The following STX7 variants were observed in gnomAD, a reference collection of about 807,000 sequenced individuals.
The protein encoded by STX7 is syntaxin-7.
STX7 carries 34 observed loss-of-function variants against 39.6 expected under a neutral mutation model. The observed-to-expected ratio is 0.86, with a 90% CI of 0.65 to 1.14. The LOEUF is 1.14. Among genes scored for constraint, STX7 ranks in the 50% most tolerant of loss-of-function variants. STX7 has a pLI of 0.00. For missense variants in STX7, 284 were observed against 310.4 expected (o/e 0.92, Z 0.64); for synonymous variants, 119 against 99.1 (o/e 1.20, Z -1.19).
At position 132,446,236 on chromosome 6, in the gene STX7, T is replaced by C. The variant is rs1169826782; in HGVS notation, c.*14522A>G. ...TTCTTTTTAAACTACCTGACCCTTA[T>C]AATCATATGGTGAGTTGGTCTGATC... On this transcript the variant is annotated 3_prime_UTR_variant, in exon 10 of 10. Coordinates refer to ENST00000367941, the MANE Select transcript of STX7 (RefSeq NM_003569.3). The C allele has an allele frequency of 6.6e-6, 1 of 152,182 alleles. No individual in the cohort carries two copies. Among genetic ancestry groups the C allele is most frequent in the African/African-American group, 2.4e-5 (1 of 41,456 alleles). 9.4% of individuals were successfully genotyped at this position (152,182 alleles called of 1,614,324 possible).
At chr6:132,502,626 G>A (rs1350897134) in intron 2 of STX7, among the ~76,000 whole-genome samples, 4 of 65,748 alleles carry the variant, frequency 6.1e-5, no homozygotes, top group Non-Finnish European at 7.6e-5. Context: ...TTGGCCGGGC[G>A]CGGTGGCTCA....
rs1170000489 is a variant in STX7 at position 132,475,661 on chromosome 6, A to T, written c.87T>A (p.Ser29=). ...GATTCAGAGTTCTTTGTATTTCCAC[A>T]GCTATTATAATAGAAAATTCATGTA... ...SSNIQKITQC[S]VEIQRTLNQL... Residue 29 remains serine (S), a splice_region_variant and synonymous_variant, in exon 3 of 10, where the codon TCT becomes TCA. Coordinates refer to ENST00000367941, the MANE Select transcript of STX7 (RefSeq NM_003569.3). 1.3e-6 allele frequency: 2 copies of T among 1,597,430 alleles called. No homozygotes were observed. Among genetic ancestry groups the T allele is most frequent in the Non-Finnish European group, 1.7e-6 (2 of 1,171,142 alleles).
intron 6 of STX7, 73 bp downstream of exon 6, chr6:132,470,501 C>G (rs1168439701): frequency 3.8e-5 from 42 of 1,103,648 alleles, no homozygotes; most frequent in Non-Finnish European, 5.6e-5. Context: ...AGCTTTAATT[C>G]TGTTCCAGGG....
intron 2 of STX7, among the ~76,000 whole-genome samples, chr6:132,499,255 G>C (rs1457512976): frequency 6.6e-6 from 1 of 152,194 alleles, no homozygotes; most frequent in East Asian, 1.9e-4. Context: ...GAGTCTGCTA[G>C]TTGCCTACTA....
intron 2 of STX7, among the ~76,000 whole-genome samples, chr6:132,488,997 T>A (rs1775210152): frequency 1.3e-5 from 2 of 151,560 alleles, no homozygotes; most frequent in African/African-American, 4.9e-5. Context: ...AGGCCAGGAG[T>A]TCGAGACCAA....
intron 2 of STX7, among the ~76,000 whole-genome samples, chr6:132,490,805 G>A (rs1273538004): frequency 6.6e-6 from 1 of 152,076 alleles, no homozygotes. Context: ...ATGGGCTGCC[G>A]ACCCTACTCA....
chr6:132,446,995 T>C lies in STX7; in HGVS notation c.*13763A>G, dbSNP rs1287297521. 1 of 152,130 alleles carries C rather than the reference T, an allele frequency of 6.6e-6. No homozygotes were observed. The highest frequency in any genetic ancestry group is 1.5e-5 in the Non-Finnish European group (1 of 68,010). The allele number at this position is 152,130 out of a possible 1,614,324, so 9.4% of individuals were successfully genotyped here. On this transcript the variant is annotated 3_prime_UTR_variant, in exon 10 of 10. Coordinates refer to ENST00000367941, the MANE Select transcript of STX7 (RefSeq NM_003569.3). ...TGCCGAGGGTACCATAGACACTGGG[T>C]TGGACAAGCAAGAAATAGTGACGAT... is the stretch of plus-strand genomic sequence containing the variant.
chr6:132,494,197 A>G (rs1196900417), intron 2 of STX7, among the ~76,000 whole-genome samples: 1 of 152,106 alleles, frequency 6.6e-6, no homozygotes, highest in Non-Finnish European at 1.5e-5. Context: ...ATTTAATGGC[A>G]TAACCACATA....
intron 1 of STX7, among the ~76,000 whole-genome samples, chr6:132,509,408 C>A (rs1276705975): frequency 6.7e-6 from 1 of 148,950 alleles, no homozygotes; most frequent in Non-Finnish European, 1.5e-5. Context: ...GCCAAGATCA[C>A]GCCACTGCAC....
At position 132,459,238 on chromosome 6, in the gene STX7, C is replaced by T. The variant is rs1202763958; in HGVS notation, c.*1520G>A. Reference sequence around the variant, plus strand: ...AACAGGAGTCTCTAAGTTCCAATCACTCACTCACAAAAGAGTTTTCTGTAA... The same window carrying T: ...AACAGGAGTCTCTAAGTTCCAATCATTCACTCACAAAAGAGTTTTCTGTAA... On this transcript the variant is annotated 3_prime_UTR_variant, in exon 10 of 10. Transcript: ENST00000367941. The T allele has an allele frequency of 6.6e-6, 1 of 152,218 alleles. No individual in the cohort carries two copies. The highest frequency in any genetic ancestry group is 1.5e-5 in the Non-Finnish European group (1 of 68,042). 9.4% of individuals were successfully genotyped at this position (152,218 alleles called of 1,614,324 possible).
rs1368261034 is a variant in STX7, at chr6:132,448,261, A to T, written c.*12497T>A. 6.6e-6 allele frequency: 1 copy of T among 152,152 alleles called. No individual in the cohort carries two copies. Among genetic ancestry groups the T allele is most frequent in the African/African-American group, 2.4e-5 (1 of 41,446 alleles). 9.4% of individuals were successfully genotyped at this position (152,152 alleles called of 1,614,324 possible). On this transcript the variant is annotated 3_prime_UTR_variant, in exon 10 of 10. Coordinates refer to ENST00000367941, the MANE Select transcript of STX7 (RefSeq NM_003569.3). ...AGAGTAAATACTTCTTAATATAGAC[A>T]GTATTTATTTACATTTCCCATGATT...
intron 2 of STX7, among the ~76,000 whole-genome samples, chr6:132,488,080 T>C (rs971643801): frequency 1.3e-5 from 2 of 152,258 alleles, no homozygotes; most frequent in East Asian, 1.9e-4. Flanking sequence ...TGATATGTGA[T>C]GCTTTCATTT....
chr6:132,469,923 C>T (rs1223283411), intron 7 of STX7, 28 bp downstream of exon 7: 10 of 1,550,442 alleles, frequency 6.4e-6, no homozygotes, highest in Non-Finnish European at 8.8e-6. Context: ...ACCAGAGCAG[C>T]AGCCCAAGTC....
intron 2 of STX7, among the ~76,000 whole-genome samples, chr6:132,490,047 TG>T (rs1445448681): frequency 1.3e-5 from 2 of 152,246 alleles, no homozygotes; most frequent in African/African-American, 4.8e-5. Context: ...ATTTTTCACA[TG>T]GATCTGCTCA....
intron 1 of STX7, among the ~76,000 whole-genome samples, chr6:132,506,966 A>G (rs1355417453): frequency 6.6e-6 from 1 of 152,222 alleles, no homozygotes; most frequent in African/African-American, 2.4e-5. Context: ...ATGGAATACT[A>G]TTCAACCTTA....
intron 2 of STX7, among the ~76,000 whole-genome samples, chr6:132,486,664 G>GTTTTTT (rs386408642): frequency 8.0e-6 from 1 of 125,144 alleles, no homozygotes; most frequent in African/African-American, 3.0e-5. Context: ...TTTTTTCTGG[G>GTTTTTT]TTTTTTTTTT....
Position 132,448,139 on chromosome 6 carries a change from T to C in STX7, c.*12619A>G, listed in dbSNP as rs182276998. 9.2e-5 allele frequency: 14 copies of C among 152,294 alleles called. No homozygotes were observed. The highest frequency in any genetic ancestry group is 2.6e-4 in the African/African-American group (11 of 41,540). The allele number at this position is 152,294 out of a possible 1,614,324, so 9.4% of individuals were successfully genotyped here. ...TATCAGGATCTTGGAGCACTCACAC[T>C]AACTTCTAAGTGCTCCCGGACACTT... On this transcript the variant is annotated 3_prime_UTR_variant, in exon 10 of 10. Transcript: ENST00000367941.
intron 9 of STX7, among the ~76,000 whole-genome samples, chr6:132,462,582 G>GGTGTGTGTGTGTGTGTGTGT (rs71952617): frequency 3.6e-4 from 52 of 144,994 alleles, no homozygotes; most frequent in African/African-American, 1.2e-3. Flanking sequence ...CATTTGCAGG[G>GGTGTGTGTGTGTGTGTGTGT]GTGTGTGTGT....
intron 2 of STX7, among the ~76,000 whole-genome samples, chr6:132,480,521 A>G (rs1289310078): frequency 6.6e-6 from 1 of 152,206 alleles, no homozygotes; most frequent in East Asian, 1.9e-4. Context: ...GAAAACAATC[A>G]CGTTTTCAAG....
Sources: gnomAD v4.1 joint callset for allele counts (sites outside exome capture counted in the v4.1 genomes callset) on GRCh38, gnomAD v4.1.1 for gene constraint, MANE v1.5 for transcripts, NCBI Gene and HGNC (gene_info 2026-07-23, HGNC 2026-07-21) for gene names.